PYHIN1: variants seen among roughly 807,000 people sequenced by gnomAD.
PYHIN1 encodes pyrin and HIN domain-containing protein 1.
Under a neutral mutation model 43.7 loss-of-function variants are expected in PYHIN1, and 32 were observed. The ratio of observed to expected loss-of-function variants is 0.73; its 90% CI spans 0.55 to 0.98. The LOEUF (loss-of-function observed/expected upper bound fraction) is 0.98, where lower values mean the gene tolerates loss of function less well. PYHIN1 is among the 50% of genes least tolerant of loss of function. The pLI, the probability that PYHIN1 is intolerant of heterozygous loss-of-function variation, is 0.00. For missense variants in PYHIN1, 588 were observed against 589.5 expected (o/e 1.00, Z 0.03); for synonymous variants, 205 against 203.1 (o/e 1.01, Z -0.08).
chr1:158,969,033 A>G (rs1459476873), intron 7 of PYHIN1, among the ~76,000 whole-genome samples: 1 of 152,032 alleles, frequency 6.6e-6, no homozygotes, highest in Admixed American at 6.6e-5. Context: ...CTGCACATGT[A>G]CCTCTGAACC....
At chr1:158,979,909 A>G (rs1651430218), downstream of PYHIN1, among the ~76,000 whole-genome samples, 1 of 152,086 alleles carries the variant, frequency 6.6e-6, no homozygotes, top group African/African-American at 2.4e-5. Context: ...GTAAACCACC[A>G]GTGTCTATTG....
chr1:158,982,086 ACTAT>A, the PYHIN1 span, among the ~76,000 whole-genome samples: 1 of 152,132 alleles, frequency 6.6e-6, no homozygotes, highest in African/African-American at 2.4e-5. Context: ...CATTCTGTAG[ACTAT>A]CTTTTTATTC....
chr1:158,948,710 G>C (rs764459473), intron 7 of PYHIN1, among the ~76,000 whole-genome samples: 1 of 152,174 alleles, frequency 6.6e-6, no homozygotes, highest in Non-Finnish European at 1.5e-5. Context: ...AGACCATAAA[G>C]GCTATAAGTG....
intron 7 of PYHIN1, among the ~76,000 whole-genome samples, chr1:158,948,283 A>C (rs1461227064): frequency 1.3e-5 from 2 of 152,210 alleles, no homozygotes; most frequent in African/African-American, 4.8e-5. Context: ...ACACCCTTCC[A>C]TATGGCTGTT....
rs548430025 is a variant in PYHIN1 at position 158,948,109 on chromosome 1, T to C, written c.1359+3067T>C. Reference sequence around the variant, plus strand: ...CTCTTGACTGAAGCATACAGATGTGTGCAGCAACAAGTCTGTTGGGTGGGG... The same window carrying C: ...CTCTTGACTGAAGCATACAGATGTGCGCAGCAACAAGTCTGTTGGGTGGGG... On this transcript the variant is annotated intron_variant, in intron 7 of 8. Coordinates refer to ENST00000368140, the MANE Select transcript of PYHIN1 (RefSeq NM_152501.5). Among the ~76,000 whole-genome samples, 21 of 152,336 alleles carry C rather than the reference T, an allele frequency of 1.4e-4. No homozygotes were observed. The South Asian group carries it at 4.1e-3, about 30-fold the overall frequency.
chr1:158,964,123 C>T (rs1175195180), intron 7 of PYHIN1, among the ~76,000 whole-genome samples: 1 of 151,940 alleles, frequency 6.6e-6, no homozygotes, highest in African/African-American at 2.4e-5. Context: ...ATGAAATAAC[C>T]TGAGGAAAAA....
chr1:158,982,115 T>A, the PYHIN1 span, among the ~76,000 whole-genome samples: 1 of 152,202 alleles, frequency 6.6e-6, no homozygotes, highest in African/African-American at 2.4e-5. Flanking sequence ...GATAGTCTAA[T>A]TTGCTGTACA....
At chr1:158,971,270 A>T (rs1388675165) in intron 7 of PYHIN1, among the ~76,000 whole-genome samples, 1 of 151,824 alleles carries the variant, frequency 6.6e-6, no homozygotes, top group Non-Finnish European at 1.5e-5. Context: ...AATGAATGAG[A>T]GTGATTTGAT....
intron 7 of PYHIN1, among the ~76,000 whole-genome samples, chr1:158,961,467 G>A (rs973405624): frequency 1.3e-5 from 2 of 152,120 alleles, no homozygotes; most frequent in African/African-American, 2.4e-5. Context: ...GTAGAGAGAA[G>A]AGAGTAGCAA....
chr1:158,988,304 G>A, the PYHIN1 span, among the ~76,000 whole-genome samples: 2 of 152,028 alleles, frequency 1.3e-5, no homozygotes, highest in Admixed American at 6.6e-5. Flanking sequence ...GGAAGAATGA[G>A]GTATATAATA....
chr1:158,981,551 C>A (rs1033424544), downstream of PYHIN1, among the ~76,000 whole-genome samples: 2 of 152,100 alleles, frequency 1.3e-5, no homozygotes, highest in Non-Finnish European at 2.9e-5. Flanking sequence ...AATTTATATT[C>A]CTTTGGGTAT....
chr1:158,959,232 G>A (rs888712928), intron 7 of PYHIN1, among the ~76,000 whole-genome samples: 1 of 152,156 alleles, frequency 6.6e-6, no homozygotes, highest in Non-Finnish European at 1.5e-5. Flanking sequence ...TGTCAGCTGA[G>A]CTAAGGGTCC....
At chr1:158,939,484 C>A in intron 4 of PYHIN1, 5 of 1,550,984 alleles carry the variant, frequency 3.2e-6, no homozygotes, top group South Asian at 1.2e-5. Context: ...CAGAGAACTG[C>A]GGAATCTGGA....
intron 4 of PYHIN1, among the ~76,000 whole-genome samples, chr1:158,941,570 C>T (rs1221240745): frequency 1.3e-5 from 2 of 152,140 alleles, no homozygotes; most frequent in East Asian, 1.9e-4. Flanking sequence ...GTGGTGGACA[C>T]CCTTTACCAT....
At chr1:158,987,287 G>C in the PYHIN1 span, among the ~76,000 whole-genome samples, 1 of 152,156 alleles carries the variant, frequency 6.6e-6, no homozygotes, top group African/African-American at 2.4e-5. Context: ...TGGGTATAAA[G>C]TGATTTGCAT....
chr1:158,936,765 A>C (rs1633280), intron 1 of PYHIN1, 126 bp from the exon 2 acceptor site: 152,563 of 526,372 alleles, frequency 0.29, 23,117 homozygotes, highest in Non-Finnish European at 0.31. Context: ...AAACTGGAAG[A>C]ATTCCCTTTG....
chr1:158,941,236 T>C (rs892777890), intron 4 of PYHIN1, among the ~76,000 whole-genome samples: 4 of 152,188 alleles, frequency 2.6e-5, no homozygotes, highest in Admixed American at 2.6e-4. Flanking sequence ...TTCCCTTCAT[T>C]AATGTGTTCT....
chr1:158,957,435 C>T (rs899850048), intron 7 of PYHIN1, among the ~76,000 whole-genome samples: 17 of 151,858 alleles, frequency 1.1e-4, no homozygotes, highest in Admixed American at 2.6e-4. Context: ...GAACAGAGCC[C>T]GCAGAAATAA....
intron 7 of PYHIN1, among the ~76,000 whole-genome samples, chr1:158,955,266 C>T (rs1373530557): frequency 1.3e-5 from 2 of 152,128 alleles, no homozygotes; most frequent in East Asian, 1.9e-4. Flanking sequence ...CAGACATCTA[C>T]AGAACTCTCC....
Sources: gnomAD v4.1 joint callset for allele counts (sites outside exome capture counted in the v4.1 genomes callset) on GRCh38, gnomAD v4.1.1 for gene constraint, MANE v1.5 for transcripts, NCBI Gene and HGNC (gene_info 2026-07-23, HGNC 2026-07-21) for gene names.